The following SVOP variants were observed in gnomAD, a reference collection of about 807,000 sequenced individuals.
SVOP encodes synaptic vesicle 2-related protein.
Under a neutral mutation model 69.1 loss-of-function variants are expected in SVOP, and 17 were observed. The observed-to-expected ratio is 0.25, with a 90% CI of 0.17 to 0.37. SVOP has a LOEUF of 0.37. SVOP is among the 10% of genes least tolerant of loss of function. SVOP has a pLI of 1.00. For missense variants in SVOP, 435 were observed against 597.5 expected (o/e 0.73, Z 2.84); for synonymous variants, 238 against 238.6 (o/e 1.00, Z 0.02).
chr12:108,945,735 T>G (rs943149009), intron 6 of SVOP, among the ~76,000 whole-genome samples: 7 of 152,156 alleles, frequency 4.6e-5, no homozygotes, highest in African/African-American at 1.7e-4. Flanking sequence ...TCCTAACTGC[T>G]GCCATTGAGC....
intron 5 of SVOP, among the ~76,000 whole-genome samples, chr12:108,964,866 C>T (rs995483405): frequency 9.2e-5 from 14 of 152,094 alleles, no homozygotes; most frequent in Non-Finnish European, 1.8e-4. Context: ...ATATAAGGCT[C>T]CAGGGTAGAT....
chr12:108,907,972 T>G lies in SVOP; in HGVS notation c.*4563A>C, dbSNP rs1463929439. 6.6e-6 allele frequency: 1 copy of G among 152,270 alleles called. No homozygotes were observed. The highest frequency in any genetic ancestry group is 1.9e-4 in the East Asian group (1 of 5,200). The allele number at this position is 152,270 out of a possible 1,614,324, so 9.4% of individuals were successfully genotyped here. A position where few individuals can be genotyped will look rare whatever the true frequency, so the allele number is the denominator to read the frequency against. On this transcript the variant is annotated 3_prime_UTR_variant, in exon 16 of 16. Coordinates refer to ENST00000610966, the MANE Select transcript of SVOP (RefSeq NM_018711.5). ...GCTAAAGGGCAGGCCAATGCCACCGTGTCTGTACCTCTCCACCACTTCTTC... is the reference window on the plus strand; with the variant it reads ...GCTAAAGGGCAGGCCAATGCCACCGGGTCTGTACCTCTCCACCACTTCTTC...
chr12:109,018,414 C>T (rs2040380030), intron 1 of SVOP, among the ~76,000 whole-genome samples: 1 of 152,144 alleles, frequency 6.6e-6, no homozygotes, highest in South Asian at 2.1e-4. Flanking sequence ...TTCCCCATTC[C>T]CCAACCATGT....
At chr12:108,950,920 T>A (rs547585392) in intron 6 of SVOP, among the ~76,000 whole-genome samples, 237 of 152,326 alleles carry the variant, frequency 1.6e-3, no homozygotes, top group African/African-American at 5.3e-3. Flanking sequence ...ATTATTATAA[T>A]CAGACTGAAA....
intron 1 of SVOP, among the ~76,000 whole-genome samples, chr12:108,997,375 G>A (rs113427612): frequency 2.0e-5 from 3 of 150,502 alleles, no homozygotes; most frequent in Non-Finnish European, 4.5e-5. Flanking sequence ...GCGGCAGCGA[G>A]GCTGGGGGAG....
intron 1 of SVOP, among the ~76,000 whole-genome samples, chr12:109,009,392 G>A (rs2040328825): frequency 6.6e-6 from 1 of 152,156 alleles, no homozygotes; most frequent in Admixed American, 6.6e-5. Context: ...GAGCATTGCA[G>A]AAGATGCACA....
At chr12:108,929,925 G>A (rs2039805416) in intron 11 of SVOP, among the ~76,000 whole-genome samples, 1 of 152,150 alleles carries the variant, frequency 6.6e-6, no homozygotes, top group African/African-American at 2.4e-5. Flanking sequence ...CAGGTACTTG[G>A]TGCTGGAACC....
In SVOP at chr12:108,977,492, G is replaced by A. The variant is rs1288542213; in HGVS notation, c.287C>T (p.Ala96Val). The A allele has an allele frequency of 6.5e-7, 1 of 1,529,330 alleles. No homozygotes were observed. The highest frequency in any genetic ancestry group is 1.4e-5 in the African/African-American group (1 of 72,884). 94.7% of individuals were successfully genotyped at this position (1,529,330 alleles called of 1,614,324 possible). A position where few individuals can be genotyped will look rare whatever the true frequency, so the allele number is the denominator to read the frequency against. Residue 96 changes from alanine (A) to valine (V), a missense_variant, in exon 4 of 16, where the codon GCT becomes GTT. Ala to Val is a moderately conservative substitution (Grantham distance 64). Coordinates refer to ENST00000610966, the MANE Select transcript of SVOP (RefSeq NM_018711.5). ...LSVLTGLAWM[A>V]DAMEMMILSI... The stretch of plus-strand genomic sequence containing the variant: ...GAGGATCATCATCTCCATGGCATCA[G>A]CCATCTGCAGAGAGGACGGAGACAT...
chr12:108,995,170 T>A (rs991533428), intron 1 of SVOP, among the ~76,000 whole-genome samples: 11 of 151,502 alleles, frequency 7.3e-5, no homozygotes, highest in Admixed American at 2.0e-4. Context: ...AATAAATAAA[T>A]AAATAAAAAT....
chr12:108,957,567 A>C (rs539727457), intron 6 of SVOP, among the ~76,000 whole-genome samples: 45 of 152,356 alleles, frequency 3.0e-4, no homozygotes, highest in Middle Eastern at 3.4e-3. Context: ...CTTGGGTCCC[A>C]TGTCAGAGAA....
chr12:108,946,827 T>G (rs1199104295), intron 6 of SVOP, among the ~76,000 whole-genome samples: 2 of 151,958 alleles, frequency 1.3e-5, no homozygotes, highest in African/African-American at 2.4e-5. Context: ...CAAGCAATTC[T>G]CCCACCTCAG....
intron 1 of SVOP, among the ~76,000 whole-genome samples, chr12:109,008,960 C>CTTTTTTTTTTT (rs71079510): frequency 2.2e-4 from 25 of 112,744 alleles, no homozygotes; most frequent in African/African-American, 7.2e-4. Context: ...TCTTTTCTTT[C>CTTTTTTTTTTT]TTTTTTTTTT....
chr12:108,945,960 T>A (rs1051811669), intron 6 of SVOP, among the ~76,000 whole-genome samples: 4 of 152,232 alleles, frequency 2.6e-5, no homozygotes, highest in African/African-American at 9.6e-5. Context: ...TGATTAAGAA[T>A]ATTTCCCCTT....
Position 108,912,738 on chromosome 12 carries a change from T to C in SVOP, c.1444A>G (p.Met482Val). Reference protein sequence around the residue: ...ALITPFIAQVMLESSVYLTLA... With the variant: ...ALITPFIAQVVLESSVYLTLA... ...GTCAGGTACACAGAGGATTCCAGCA[T>C]CACCTAGGGGAAGGAGACACGGGTC... The change falls in exon 16 of 16, where the codon ATG (methionine) becomes GTG (valine). Residue 482 changes from methionine (M) to valine (V), a missense_variant. Met to Val is a conservative substitution (Grantham distance 21). Transcript: ENST00000610966. The C allele has an allele frequency of 6.2e-7, 1 of 1,613,552 alleles. No homozygotes were observed. Among genetic ancestry groups the C allele is most frequent in the South Asian group, 1.1e-5 (1 of 91,050 alleles).
chr12:108,944,939 G>A (rs1176134451), intron 7 of SVOP, among the ~76,000 whole-genome samples, 164 bp downstream of exon 7: 1 of 152,160 alleles, frequency 6.6e-6, no homozygotes, highest in Non-Finnish European at 1.5e-5. Flanking sequence ...ATTGCAAAAC[G>A]GGCATGTCAG....
intron 10 of SVOP, among the ~76,000 whole-genome samples, chr12:108,934,801 C>A (rs2039846780): frequency 6.6e-6 from 1 of 152,172 alleles, no homozygotes; most frequent in Non-Finnish European, 1.5e-5. Flanking sequence ...GGAAGTTACC[C>A]TATATGGTCT....
At chr12:108,998,436 G>A (rs1389497536) in intron 1 of SVOP, among the ~76,000 whole-genome samples, 2 of 152,072 alleles carry the variant, frequency 1.3e-5, no homozygotes, top group Admixed American at 1.3e-4. Flanking sequence ...GCAGGCCAAT[G>A]TTCAGATTCA....
intron 4 of SVOP, among the ~76,000 whole-genome samples, chr12:108,975,988 A>G (rs1037890592): frequency 1.3e-5 from 2 of 152,160 alleles, no homozygotes; most frequent in African/African-American, 4.8e-5. Context: ...GGTGTCAGCT[A>G]CCGTGACCAG....
Position 108,908,616 on chromosome 12 carries a change from G to A in SVOP, c.*3919C>T, listed in dbSNP as rs1299349253. ...GATTTACATGCCCTGAATTTCCCCT[G>A]TAGGAAATTAACTACCGATCCCAGT... On this transcript the variant is annotated 3_prime_UTR_variant, in exon 16 of 16. Coordinates refer to ENST00000610966, the MANE Select transcript of SVOP (RefSeq NM_018711.5). The A allele has an allele frequency of 2.6e-5, 4 of 152,036 alleles. No homozygotes were observed. The highest frequency in any genetic ancestry group is 9.7e-5 in the African/African-American group (4 of 41,390). 9.4% of individuals were successfully genotyped at this position (152,036 alleles called of 1,614,324 possible). A position where few individuals can be genotyped will look rare whatever the true frequency, so the allele number is the denominator to read the frequency against.
Sources: gnomAD v4.1 joint callset for allele counts (sites outside exome capture counted in the v4.1 genomes callset) on GRCh38, gnomAD v4.1.1 for gene constraint, MANE v1.5 for transcripts, NCBI Gene and HGNC (gene_info 2026-07-23, HGNC 2026-07-21) for gene names.